The following LRRTM4 variants were observed in gnomAD, a reference collection of about 807,000 sequenced individuals.
The protein encoded by LRRTM4 is leucine rich repeat transmembrane neuronal 4, also known as leucine-rich repeat transmembrane neuronal protein 4.
In LRRTM4, 25 loss-of-function variants were observed where a neutral mutation model predicts 47.6. That is an observed-to-expected ratio of 0.53 (90% CI 0.38 to 0.73). The LOEUF (loss-of-function observed/expected upper bound fraction) is 0.73. Among genes scored for constraint, LRRTM4 ranks in the 30% least tolerant of loss-of-function variants. The pLI is 0.00. For missense variants in LRRTM4, 638 were observed against 713.4 expected, an observed-to-expected ratio of 0.89 and a Z score of 1.20; for synonymous variants, 311 against 269.5, an observed-to-expected ratio of 1.15 and a Z score of -1.51.
chr2:77,050,016 G>T (rs1358085760), intron 3 of LRRTM4, among the ~76,000 whole-genome samples: 1 of 151,740 alleles, frequency 6.6e-6, no homozygotes, highest in African/African-American at 2.4e-5. Flanking sequence ...CTGCAACAAA[G>T]AATCATCTCC....
intron 3 of LRRTM4, among the ~76,000 whole-genome samples, chr2:77,127,736 T>C (rs1258710263): frequency 6.6e-6 from 1 of 152,044 alleles, no homozygotes; most frequent in Non-Finnish European, 1.5e-5. Flanking sequence ...GGTCTTGGAG[T>C]CAACTCTGCA....
At chr2:77,096,692 T>C (rs558529740) in intron 3 of LRRTM4, among the ~76,000 whole-genome samples, 2 of 151,770 alleles carry the variant, frequency 1.3e-5, no homozygotes, top group East Asian at 3.9e-4. Context: ...GTATGAATAT[T>C]AGCATGTTAA....
At chr2:77,372,502 G>A (rs1189400593) in intron 3 of LRRTM4, among the ~76,000 whole-genome samples, 5 of 151,572 alleles carry the variant, frequency 3.3e-5, no homozygotes, top group African/African-American at 1.2e-4. Flanking sequence ...TGCTGATTTT[G>A]GAATGCCCTT....
intron 3 of LRRTM4, among the ~76,000 whole-genome samples, chr2:76,916,321 C>G (rs144051406): frequency 7.3e-6 from 1 of 137,660 alleles, no homozygotes; most frequent in African/African-American, 2.8e-5. Flanking sequence ...GTAGGTGGAG[C>G]TTGCAGTCAG....
intron 3 of LRRTM4, among the ~76,000 whole-genome samples, chr2:77,119,768 T>C (rs1361193014): frequency 6.6e-6 from 1 of 151,862 alleles, no homozygotes; most frequent in Non-Finnish European, 1.5e-5. Flanking sequence ...ATATTACATA[T>C]ATATCACTAC....
intron 3 of LRRTM4, among the ~76,000 whole-genome samples, chr2:76,934,677 G>T (rs1674882707): frequency 6.6e-6 from 1 of 152,274 alleles, no homozygotes; most frequent in South Asian, 2.1e-4. Context: ...GCAGAATCAG[G>T]TTTCATAAAC....
chr2:76,998,041 G>A (rs1677266171), intron 3 of LRRTM4, among the ~76,000 whole-genome samples: 1 of 151,942 alleles, frequency 6.6e-6, no homozygotes, highest in South Asian at 2.1e-4. Flanking sequence ...ACATTATGGT[G>A]AGTTGTATAA....
chr2:76,908,821 C>A (rs1430313975), intron 3 of LRRTM4, among the ~76,000 whole-genome samples: 2 of 151,946 alleles, frequency 1.3e-5, no homozygotes, highest in African/African-American at 4.8e-5. Flanking sequence ...GAACTACAAA[C>A]CACTGCTCAA....
At chr2:76,797,336 C>T (rs932630370) in intron 3 of LRRTM4, among the ~76,000 whole-genome samples, 2 of 151,998 alleles carry the variant, frequency 1.3e-5, no homozygotes, top group South Asian at 4.2e-4. Flanking sequence ...AAAGAATTTT[C>T]AACCCAGAAT....
intron 3 of LRRTM4, among the ~76,000 whole-genome samples, chr2:77,228,309 C>T (rs1357754003): frequency 2.0e-5 from 3 of 152,098 alleles, no homozygotes; most frequent in Non-Finnish European, 4.4e-5. Flanking sequence ...ATGCCCAGCT[C>T]ATCCCTTCTC....
chr2:76,919,219 C>T (rs906148834), intron 3 of LRRTM4, among the ~76,000 whole-genome samples: 6 of 152,226 alleles, frequency 3.9e-5, no homozygotes, highest in African/African-American at 1.4e-4. Flanking sequence ...ATATACGCAC[C>T]TAACACCTTT....
At chr2:77,141,217 CA>C (rs574404242) in intron 3 of LRRTM4, among the ~76,000 whole-genome samples, 164 of 152,210 alleles carry the variant, frequency 1.1e-3, no homozygotes, top group African/African-American at 3.6e-3. Context: ...TACTTGTAAC[CA>C]ACCCAAATGT....
chr2:76,778,871 C>T (rs1258121516), intron 3 of LRRTM4, among the ~76,000 whole-genome samples: 2 of 151,796 alleles, frequency 1.3e-5, no homozygotes, highest in African/African-American at 4.9e-5. Flanking sequence ...AATTTTGGAT[C>T]TTTCCTGCTT....
chr2:76,952,935 G>T (rs1214240508), intron 3 of LRRTM4, among the ~76,000 whole-genome samples: 1 of 151,754 alleles, frequency 6.6e-6, no homozygotes, highest in Admixed American at 6.6e-5. Context: ...TGCAGGAAAA[G>T]GAAACTACTG....
At chr2:77,291,717 C>T (rs1056818852) in intron 3 of LRRTM4, among the ~76,000 whole-genome samples, 3 of 151,888 alleles carry the variant, frequency 2.0e-5, no homozygotes, top group African/African-American at 7.2e-5. Flanking sequence ...TTTGATAGAT[C>T]TTAGATAAAC....
At chr2:77,010,912 C>T (rs1172342807) in intron 3 of LRRTM4, among the ~76,000 whole-genome samples, 1 of 152,104 alleles carries the variant, frequency 6.6e-6, no homozygotes, top group African/African-American at 2.4e-5. Context: ...TTCTTAACAG[C>T]ATAGCCATAT....
At chr2:77,451,363 A>AT (rs1041256465) in intron 3 of LRRTM4, among the ~76,000 whole-genome samples, 7 of 152,132 alleles carry the variant, frequency 4.6e-5, no homozygotes, top group African/African-American at 1.7e-4. Flanking sequence ...CTGTTGATTG[A>AT]TTTTTAGATG....
At chr2:76,924,392 C>A (rs1674524790) in intron 3 of LRRTM4, among the ~76,000 whole-genome samples, 1 of 151,882 alleles carries the variant, frequency 6.6e-6, no homozygotes, top group Non-Finnish European at 1.5e-5. Context: ...TTTTCTTTGG[C>A]TCATTAGAGC....
In LRRTM4 at chr2:77,152,620, G is replaced by A. The variant is rs151105931; in HGVS notation, c.1551+365698C>T. ...TGGGATTACAGGTGTGAGCTACCAC[G>A]CCCGGCCACTTTTTTGTATCTTAGT... On this transcript the variant is annotated intron_variant, in intron 3 of 3. Transcript: ENST00000409884. Among the ~76,000 whole-genome samples, 46 of 152,140 alleles carry A rather than the reference G, an allele frequency of 3.0e-4. No individual in the cohort carries two copies. The East Asian group carries it at 6.2e-3, about 20-fold the overall frequency.
Sources: allele counts gnomAD v4.1 joint callset (sites outside exome capture counted in the v4.1 genomes callset), GRCh38; gene constraint gnomAD v4.1.1; transcripts MANE v1.5; gene names NCBI Gene and HGNC (gene_info 2026-07-23, HGNC 2026-07-21).